The following CNTNAP4 variants were observed in gnomAD, a reference collection of about 807,000 sequenced individuals.
The protein encoded by CNTNAP4 is contactin associated protein family member 4.
A neutral mutation model predicts 148.4 loss-of-function variants in CNTNAP4; 98 were observed. That is an observed-to-expected ratio of 0.66 (90% CI 0.56 to 0.78). The LOEUF (loss-of-function observed/expected upper bound fraction) is 0.78, where lower values mean the gene tolerates loss of function less well. Among genes scored for constraint, CNTNAP4 ranks in the 30% least tolerant of loss-of-function variants. The pLI is 0.00. For synonymous variants in CNTNAP4, 730 were observed against 565.1 expected, an observed-to-expected ratio of 1.29 and a Z score of -4.14; for missense variants, 1,935 against 1,565.6, an observed-to-expected ratio of 1.24 and a Z score of -3.98.
intron 3 of CNTNAP4, among the ~76,000 whole-genome samples, chr16:76,390,311 T>C (rs1033953124): frequency 1.3e-5 from 2 of 152,220 alleles, no homozygotes; most frequent in African/African-American, 4.8e-5. Flanking sequence ...TTGTAACTTA[T>C]CTATTGTAGC....
At chr16:76,434,010 A>AAT (rs60293601) in intron 4 of CNTNAP4, among the ~76,000 whole-genome samples, 1 of 150,566 alleles carries the variant, frequency 6.6e-6, no homozygotes, top group Non-Finnish European at 1.5e-5. Context: ...AGACAGAACT[A>AAT]ATATATATAT....
intron 3 of CNTNAP4, among the ~76,000 whole-genome samples, chr16:76,418,462 G>A (rs2079065496): frequency 6.7e-6 from 1 of 148,878 alleles, no homozygotes; most frequent in South Asian, 2.1e-4. Flanking sequence ...ATCTTTTGTT[G>A]GTTGTATTGA....
chr16:76,356,120 C>G (rs2012603282), intron 3 of CNTNAP4, among the ~76,000 whole-genome samples: 1 of 152,086 alleles, frequency 6.6e-6, no homozygotes, highest in Non-Finnish European at 1.5e-5. Flanking sequence ...AGCAGTCCAC[C>G]TGTCTCGGCG....
At chr16:76,518,299 T>G (rs2083326481) in intron 15 of CNTNAP4, among the ~76,000 whole-genome samples, 1 of 152,018 alleles carries the variant, frequency 6.6e-6, no homozygotes, top group Non-Finnish European at 1.5e-5. Context: ...GGCTAATTTT[T>G]GCATTTTTAG....
chr16:76,286,905 C>T (rs950598269), intron 1 of CNTNAP4, among the ~76,000 whole-genome samples: 1 of 152,136 alleles, frequency 6.6e-6, no homozygotes, highest in South Asian at 2.1e-4. Flanking sequence ...AAAAGCAATT[C>T]TATCTAAATT....
chr16:76,528,814 T>C (rs2083851620), intron 17 of CNTNAP4, among the ~76,000 whole-genome samples: 1 of 152,250 alleles, frequency 6.6e-6, no homozygotes, highest in East Asian at 1.9e-4. Flanking sequence ...TATATGACAA[T>C]TGAAATAGGA....
chr16:76,494,297 A>T (rs551758573), intron 13 of CNTNAP4, among the ~76,000 whole-genome samples: 44 of 152,284 alleles, frequency 2.9e-4, no homozygotes, highest in Admixed American at 2.6e-3. Flanking sequence ...TCCAGCATGA[A>T]GATTTTTCAG....
intron 3 of CNTNAP4, among the ~76,000 whole-genome samples, chr16:76,400,739 T>G (rs2078379599): frequency 6.6e-6 from 1 of 152,138 alleles, no homozygotes; most frequent in Non-Finnish European, 1.5e-5. Flanking sequence ...AGGGGTCCAG[T>G]TTCGGTTTTC....
intron 21 of CNTNAP4, 27 bp from the exon 22 acceptor site, chr16:76,553,256 T>C: frequency 1.4e-6 from 2 of 1,449,342 alleles, no homozygotes; most frequent in Non-Finnish European, 1.9e-6. Flanking sequence ...TCACTACTAA[T>C]ATTTCGGTGT....
chr16:76,432,142 C>T (rs1477617564), intron 4 of CNTNAP4, among the ~76,000 whole-genome samples: 1 of 152,154 alleles, frequency 6.6e-6, no homozygotes, highest in Non-Finnish European at 1.5e-5. Flanking sequence ...ATAATAAAAG[C>T]AGCTCCTTTG....
intron 2 of CNTNAP4, among the ~76,000 whole-genome samples, chr16:76,318,584 C>G (rs1962058840): frequency 6.6e-6 from 1 of 151,506 alleles, no homozygotes; most frequent in South Asian, 2.1e-4. Flanking sequence ...TTTTTTTCCC[C>G]TGTTAATTAC....
chr16:76,384,299 C>T (rs1204032730), intron 3 of CNTNAP4, among the ~76,000 whole-genome samples: 3 of 152,104 alleles, frequency 2.0e-5, no homozygotes, highest in East Asian at 1.9e-4. Flanking sequence ...ACCTCGGCCT[C>T]CCAAAGTGCT....
At position 76,539,716 on chromosome 16, in the gene CNTNAP4, T is replaced by C. The variant is rs759047056; in HGVS notation, c.3221-3T>C. 1.3e-6 allele frequency: 2 copies of C among 1,590,480 alleles called. No individual in the cohort carries two copies. The highest frequency in any genetic ancestry group is 3.7e-5 in the Admixed American group (2 of 54,018). ...AAAGAATCACAATTTTTCCCCACTC[T>C]AGGAAGTTTGCAGATCAGGTACAAG... On this transcript the variant is annotated splice_polypyrimidine_tract_variant and splice_region_variant and intron_variant, in intron 19 of 23. Coordinates refer to ENST00000611870, the MANE Select transcript of CNTNAP4 (RefSeq NM_033401.5).
chr16:76,303,270 A>C (rs186515929), intron 1 of CNTNAP4, among the ~76,000 whole-genome samples: 81 of 152,240 alleles, frequency 5.3e-4, no homozygotes, highest in African/African-American at 1.6e-3. Context: ...ATTAAAACCC[A>C]TTTATCTGCA....
At chr16:76,298,621 A>G (rs1959588200) in intron 1 of CNTNAP4, among the ~76,000 whole-genome samples, 1 of 151,954 alleles carries the variant, frequency 6.6e-6, no homozygotes, top group Non-Finnish European at 1.5e-5. Flanking sequence ...ATGAAAGCAG[A>G]AAGCCAACAA....
chr16:76,402,089 G>GT (rs2078439415), intron 3 of CNTNAP4, among the ~76,000 whole-genome samples: 1 of 152,060 alleles, frequency 6.6e-6, no homozygotes, highest in Non-Finnish European at 1.5e-5. Context: ...TTCCTCCTCA[G>GT]TTTTTTGGAA....
chr16:76,397,938 TTATATACATATATATATATA>T (rs59072951), intron 3 of CNTNAP4, among the ~76,000 whole-genome samples: 3,482 of 62,158 alleles, frequency 0.056, 629 homozygotes, highest in Middle Eastern at 0.07. Flanking sequence ...AACTAATAGA[TTATATACATATATATATATA>T]TATATATATA....
intron 15 of CNTNAP4, among the ~76,000 whole-genome samples, chr16:76,499,537 GTTCT>G (rs2082540440): frequency 6.6e-6 from 1 of 151,498 alleles, no homozygotes; most frequent in African/African-American, 2.4e-5. Flanking sequence ...AAAACTCCAA[GTTCT>G]TTTTTATTTA....
At chr16:76,551,404 A>AATATAT (rs71272457) in intron 21 of CNTNAP4, among the ~76,000 whole-genome samples, 4 of 139,516 alleles carry the variant, frequency 2.9e-5, no homozygotes, top group East Asian at 4.1e-4. Flanking sequence ...TTAAAAAAAA[A>AATATAT]ATATATATAT....
Sources: gnomAD v4.1 joint callset for allele counts (sites outside exome capture counted in the v4.1 genomes callset) on GRCh38, gnomAD v4.1.1 for gene constraint, MANE v1.5 for transcripts, NCBI Gene and HGNC (gene_info 2026-07-23, HGNC 2026-07-21) for gene names.